Variants in DIP2B observed in about 807,000 individuals in gnomAD.
DIP2B encodes disco-interacting protein 2 homolog B.
In DIP2B, 76 loss-of-function variants were observed where a neutral mutation model predicts 198.0. That is an observed-to-expected ratio of 0.38 (90% confidence interval 0.32 to 0.46). DIP2B has a LOEUF of 0.46. Ranked by LOEUF, DIP2B falls within the 20% of genes least tolerant of loss-of-function variation. The pLI, the probability that DIP2B is intolerant of heterozygous loss-of-function variation, is 0.99. For missense variants in DIP2B, 1,559 were observed against 1,978.4 expected, an observed-to-expected ratio of 0.79 and a Z score of 4.02; for synonymous variants, 701 against 739.1, an observed-to-expected ratio of 0.95 and a Z score of 0.84.
intron 2 of DIP2B, among the ~76,000 whole-genome samples, chr12:50,638,183 A>G (rs1938192765): frequency 6.6e-6 from 1 of 152,142 alleles, no homozygotes; most frequent in South Asian, 2.1e-4. Flanking sequence ...TCTCTGTTTT[A>G]TTTTGTGCTA....
chr12:50,703,860 G>A, intron 19 of DIP2B, among the ~76,000 whole-genome samples: 1 of 146,898 alleles, frequency 6.8e-6, no homozygotes. Flanking sequence ...GTTGCAAAAA[G>A]TATAATATCT....
rs78793884 is a variant in DIP2B, at chr12:50,538,157, G to A, written c.100+32917G>A. 1.4e-4 allele frequency among the ~76,000 whole-genome samples: 22 copies of A among 152,286 alleles called. No homozygotes were observed. The East Asian group carries it at 3.9e-3, about 27-fold the overall frequency. Reference sequence around the variant, plus strand: ...CTGGGCATAGGTTAGATCTCTGGATGTGTGGAAGAGGTGAGCTGCTTGAGA... The same window carrying A: ...CTGGGCATAGGTTAGATCTCTGGATATGTGGAAGAGGTGAGCTGCTTGAGA... On this transcript the variant is annotated intron_variant, in intron 1 of 37. Transcript: ENST00000301180.
At chr12:50,675,287 T>C in intron 6 of DIP2B, 42 bp from the exon 7 acceptor site, 2 of 1,601,416 alleles carry the variant, frequency 1.2e-6, no homozygotes, top group Non-Finnish European at 1.7e-6. Context: ...AAAATATCCT[T>C]ACAGTCAATG....
rs747025155 is a variant in DIP2B at position 50,660,297 on chromosome 12, T to C, written c.405T>C (p.Pro135=). Residue 135 remains proline (P), a synonymous_variant, in exon 4 of 38, where the codon CCT becomes CCC. Transcript: ENST00000301180. ...GGCGATCCACATTTGTTCAGTCTCCTGCAGATGCCTGCACACCTCCTGGTA... is the reference window on the plus strand; with the variant it reads ...GGCGATCCACATTTGTTCAGTCTCCCGCAGATGCCTGCACACCTCCTGGTA... ...TKRRSTFVQS[P]ADACTPPDTS... The C allele has an allele frequency of 2.5e-5, 41 of 1,610,876 alleles. No individual in the cohort carries two copies.
chr12:50,613,833 G>A (rs1490213808), intron 1 of DIP2B, among the ~76,000 whole-genome samples: 3 of 152,134 alleles, frequency 2.0e-5, no homozygotes, highest in African/African-American at 7.2e-5. Flanking sequence ...AGATGTCTAT[G>A]CTGGAAGAAA....
At chr12:50,559,397 A>G (rs552610310) in intron 1 of DIP2B, among the ~76,000 whole-genome samples, 1 of 143,392 alleles carries the variant, frequency 7.0e-6, no homozygotes, top group Non-Finnish European at 1.5e-5. Flanking sequence ...CTTTGGTATT[A>G]TACCAATTTT....
In DIP2B at chr12:50,731,389, C is replaced by G. The variant is rs1940040176; in HGVS notation, c.3662C>G (p.Ser1221Cys). 6.2e-7 allele frequency: 1 copy of G among 1,613,834 alleles called. No individual in the cohort carries two copies. The highest frequency in any genetic ancestry group is 8.5e-7 in the Non-Finnish European group (1 of 1,179,900). ...CLCSVYSGHQ[S>C]VLIPPMELEN... ...TGCAGTGTCTATTCAGGCCACCAGTCTGTCTTAATTCCTCCTATGGAGTTA... is the reference window on the plus strand; with the variant it reads ...TGCAGTGTCTATTCAGGCCACCAGTGTGTCTTAATTCCTCCTATGGAGTTA... The change falls in exon 31 of 38, where the codon TCT (serine) becomes TGT (cysteine). Residue 1221 changes from serine to cysteine, a missense_variant. Physicochemically the swap from Ser to Cys is moderately radical, Grantham distance 112 (BLOSUM62 -1). Coordinates refer to ENST00000301180, the MANE Select transcript of DIP2B (RefSeq NM_173602.3).
intron 1 of DIP2B, among the ~76,000 whole-genome samples, chr12:50,575,717 G>A (rs1329239976): frequency 2.0e-5 from 3 of 152,072 alleles, no homozygotes; most frequent in Non-Finnish European, 2.9e-5. Flanking sequence ...TCAGGGGTCA[G>A]CAAACTGTGT....
At chr12:50,712,085 T>C (rs1262846833) in intron 22 of DIP2B, among the ~76,000 whole-genome samples, 1 of 152,154 alleles carries the variant, frequency 6.6e-6, no homozygotes, top group Non-Finnish European at 1.5e-5. Context: ...GGAGGATCAC[T>C]TGAGCCCAGC....
intron 3 of DIP2B, among the ~76,000 whole-genome samples, chr12:50,658,559 G>A (rs1176091777): frequency 2.0e-5 from 3 of 152,156 alleles, no homozygotes; most frequent in Non-Finnish European, 4.4e-5. Flanking sequence ...AGCAGTTTTT[G>A]TAATTAATTC....
intron 10 of DIP2B, among the ~76,000 whole-genome samples, chr12:50,684,090 G>T (rs181847897): frequency 3.9e-5 from 6 of 152,200 alleles, no homozygotes; most frequent in Non-Finnish European, 7.4e-5. Flanking sequence ...TCCAGCCTGG[G>T]CAATAGGGCA....
At position 50,732,410 on chromosome 12, in the gene DIP2B, G is replaced by T. The variant is rs796143755; in HGVS notation, c.3855G>T (p.Val1285=). ...CCTGCGTCCGGACCTGTGTGGTGGT[G>T]GCGGAGGAGAGGCCCCGCGTTGCAC... ...NLSCVRTCVV[V]AEERPRVALQ... The change falls in exon 32 of 38, where the codon GTG becomes GTT. Residue 1285 remains valine (V), a synonymous_variant. Coordinates refer to ENST00000301180, the MANE Select transcript of DIP2B (RefSeq NM_173602.3). 2 of 1,614,198 alleles carry T rather than the reference G, an allele frequency of 1.2e-6. No homozygotes were observed. The highest frequency in any genetic ancestry group is 1.7e-6 in the Non-Finnish European group (2 of 1,180,028).
At chr12:50,580,604 C>T (rs1371718226) in intron 1 of DIP2B, among the ~76,000 whole-genome samples, 5 of 137,144 alleles carry the variant, frequency 3.6e-5, no homozygotes, top group Admixed American at 8.2e-5. Flanking sequence ...GGCGTGATCT[C>T]GGCTCACTGC....
At chr12:50,681,606 T>G (rs1939042976) in intron 9 of DIP2B, among the ~76,000 whole-genome samples, 1 of 152,250 alleles carries the variant, frequency 6.6e-6, no homozygotes, top group South Asian at 2.1e-4. Flanking sequence ...GAAGATATTT[T>G]TCCTATTAAT....
chr12:50,679,851 T>C (rs1939007856), intron 8 of DIP2B: 1 of 152,218 alleles, frequency 6.6e-6, no homozygotes, highest in Admixed American at 6.5e-5. Flanking sequence ...GTATGGAATG[T>C]TTAATCATTT....
intron 2 of DIP2B, among the ~76,000 whole-genome samples, chr12:50,635,464 AG>A (rs1390062347): frequency 2.0e-5 from 3 of 152,198 alleles, no homozygotes; most frequent in African/African-American, 7.2e-5. Context: ...GGTCACCCAA[AG>A]GTTTTTCCCA....
Position 50,729,964 on chromosome 12 carries a change from C to A in DIP2B, c.3641+1286C>A, listed in dbSNP as rs978721828. Among the ~76,000 whole-genome samples, 6 of 152,072 alleles carry A rather than the reference C, an allele frequency of 3.9e-5. No homozygotes were observed. In the South Asian group the frequency reaches 8.3e-4, roughly 21 times the overall value. Reference sequence around the variant, plus strand: ...TCTTGAACTCCTGGACTCAGGCAGTCCGCCTGCCTCGACCTCCCAAAGTGC... The same window carrying A: ...TCTTGAACTCCTGGACTCAGGCAGTACGCCTGCCTCGACCTCCCAAAGTGC... On this transcript the variant is annotated intron_variant, in intron 30 of 37. Coordinates refer to ENST00000301180, the MANE Select transcript of DIP2B (RefSeq NM_173602.3).
At chr12:50,716,958 C>CTTTTTTTTTTTTTTTGTTTTTT (rs1939732904) in intron 23 of DIP2B, among the ~76,000 whole-genome samples, 1 of 58,924 alleles carries the variant, frequency 1.7e-5, no homozygotes, top group Non-Finnish European at 3.0e-5. Flanking sequence ...CGAATTGTTG[C>CTTTTTTTTTTTTTTTGTTTTTT]TTTTTTTTTT....
At chr12:50,591,060 A>G (rs77341183) in intron 1 of DIP2B, among the ~76,000 whole-genome samples, 1,614 of 151,872 alleles carry the variant, frequency 0.011, 32 homozygotes, top group African/African-American at 0.037. Context: ...CCCTTTGAAA[A>G]CTCAGCAAGA....
Sources: allele counts gnomAD v4.1 joint callset (sites outside exome capture counted in the v4.1 genomes callset), GRCh38; gene constraint gnomAD v4.1.1; transcripts MANE v1.5; gene names NCBI Gene and HGNC (gene_info 2026-07-23, HGNC 2026-07-21).